Variants in UBA6 observed in about 807,000 individuals in gnomAD.
UBA6 encodes the protein ubiquitin like modifier activating enzyme 6, also known as ubiquitin-like modifier-activating enzyme 6.
Under a neutral mutation model 148.3 loss-of-function variants are expected in UBA6, and 87 were observed. The ratio of observed to expected loss-of-function variants is 0.59; its 90% confidence interval spans 0.49 to 0.70. The LOEUF (loss-of-function observed/expected upper bound fraction) is 0.70, where lower values mean the gene tolerates loss of function less well. UBA6 is among the 30% of genes least tolerant of loss of function. The probability of loss-of-function intolerance (pLI) is 0.00; values close to 1 mark genes in which losing one functional copy is unlikely to be tolerated. For synonymous variants in UBA6, 376 were observed against 401.0 expected (o/e 0.94, Z 0.75); for missense variants, 1,186 against 1,241.2 (o/e 0.96, Z 0.67).
intron 2 of UBA6, among the ~76,000 whole-genome samples, 181 bp downstream of exon 2, chr4:67,696,464 T>C (rs1300943579): frequency 2.2e-5 from 3 of 139,390 alleles, no homozygotes; most frequent in South Asian, 2.2e-4. Flanking sequence ...TATATACATA[T>C]ACATATATAC....
chr4:67,687,302 G>A (rs1458439224), intron 2 of UBA6, among the ~76,000 whole-genome samples: 1 of 151,736 alleles, frequency 6.6e-6, no homozygotes, highest in Admixed American at 6.6e-5. Flanking sequence ...CCAAAGTGCT[G>A]GGATTACAGG....
At chr4:67,662,315 C>A in intron 12 of UBA6, 60 bp from the exon 13 acceptor site, 1 of 1,427,644 alleles carries the variant, frequency 7.0e-7, no homozygotes, top group Non-Finnish European at 9.6e-7. Flanking sequence ...AACAGTAGGA[C>A]ATACTCAAAA....
chr4:67,669,626 T>A (rs891944032), intron 8 of UBA6, among the ~76,000 whole-genome samples: 2 of 152,044 alleles, frequency 1.3e-5, no homozygotes, highest in Non-Finnish European at 2.9e-5. Context: ...CAAAAAAAAA[T>A]TGAGCTTATG....
At chr4:67,644,148 A>T (rs1204405307) in intron 17 of UBA6, among the ~76,000 whole-genome samples, 2 of 152,092 alleles carry the variant, frequency 1.3e-5, no homozygotes, top group African/African-American at 4.8e-5. Flanking sequence ...TTTATCTTAA[A>T]AGGCAAACAG....
At chr4:67,684,689 C>A (rs1730516832) in intron 2 of UBA6, among the ~76,000 whole-genome samples, 1 of 152,124 alleles carries the variant, frequency 6.6e-6, no homozygotes, top group Non-Finnish European at 1.5e-5. Context: ...GAAATCTATA[C>A]CTGTTTGGGT....
In UBA6 at chr4:67,629,098, C is replaced by G. The variant is rs777032347; in HGVS notation, c.2373G>C (p.Lys791Asn). ...TATTGGAAGGCTTGAATTCCTGAAT[C>G]TTTACTTCTGAAAGAATATTCAAGA... ...DALLNILSEV[K>N]IQEFKPSNKV... Residue 791 changes from lysine to asparagine, a missense_variant, in exon 27 of 33, where the codon AAG becomes AAC. Physicochemically the swap from Lys to Asn is moderately conservative, Grantham distance 94. Coordinates refer to ENST00000322244, the MANE Select transcript of UBA6 (RefSeq NM_018227.6). 4.3e-6 allele frequency: 7 copies of G among 1,609,982 alleles called. No homozygotes were observed. The highest frequency in any genetic ancestry group is 4.0e-5 in the African/African-American group (3 of 74,792).
chr4:67,673,603 G>A, intron 7 of UBA6, 94 bp downstream of exon 7: 2 of 670,498 alleles, frequency 3.0e-6, no homozygotes, highest in Admixed American at 2.5e-5. Flanking sequence ...TATGTAAAAA[G>A]TTTCTTATAT....
chr4:67,646,099 G>T, intron 15 of UBA6, 83 bp from the exon 16 acceptor site: 1 of 706,280 alleles, frequency 1.4e-6, no homozygotes, highest in Non-Finnish European at 2.2e-6. Context: ...ATTTAATGTT[G>T]TACTTTAAAA....
At chr4:67,642,501 A>T (rs1729330287) in intron 17 of UBA6, among the ~76,000 whole-genome samples, 1 of 152,090 alleles carries the variant, frequency 6.6e-6, no homozygotes, top group South Asian at 2.1e-4. Flanking sequence ...ATGCCTCTAT[A>T]TACCCTTTAC....
At chr4:67,683,325 G>C (rs1730484760) in intron 2 of UBA6, among the ~76,000 whole-genome samples, 1 of 152,038 alleles carries the variant, frequency 6.6e-6, no homozygotes, top group Non-Finnish European at 1.5e-5. Flanking sequence ...CTTTTATCTT[G>C]TTTCTTTTGA....
chr4:67,626,408 C>T lies in UBA6; in HGVS notation c.2470G>A (p.Ala824Thr). Reference sequence around the variant, plus strand: ...ATAGCCTTTTCTAGTTGGAAAATTGCATTCCTCTCATCTTCACTGCTAATA... The same window carrying T: ...ATAGCCTTTTCTAGTTGGAAAATTGTATTCCTCTCATCTTCACTGCTAATA... Reference protein sequence around the residue: ...VPISSEDERNAIFQLEKAILS... With the variant: ...VPISSEDERNTIFQLEKAILS... Residue 824 changes from alanine to threonine, a missense_variant, in exon 28 of 33, where the codon GCA becomes ACA. Ala to Thr is a moderately conservative substitution (Grantham distance 58, BLOSUM62 0). Transcript: ENST00000322244. 3 of 1,611,442 alleles carry T rather than the reference C, an allele frequency of 1.9e-6. No homozygotes were observed. Among genetic ancestry groups the T allele is most frequent in the Non-Finnish European group, 1.7e-6 (2 of 1,178,330 alleles).
In UBA6 at chr4:67,639,016, C is replaced by T; in HGVS notation, c.1663G>A (p.Asp555Asn). 1 of 1,612,902 alleles carries T rather than the reference C, an allele frequency of 6.2e-7. No individual in the cohort carries two copies. The highest frequency in any genetic ancestry group is 1.7e-5 in the Admixed American group (1 of 60,020). Residue 555 changes from aspartate (D) to asparagine (N), a missense_variant, in exon 19 of 33, where the codon GAT becomes AAT. Coordinates refer to ENST00000322244, the MANE Select transcript of UBA6 (RefSeq NM_018227.6). ...ACATCTTGTTTAGTATAGAACTCAT[C>T]ATTGTAAATGGTCTCAGTGGTTGGA... ...VCPTTETIYNDEFYTKQDVII... is the reference protein window; with the variant it reads ...VCPTTETIYNNEFYTKQDVII...
rs539361349 is a variant in UBA6, at chr4:67,666,299, A to G, written c.794-1007T>C. 2.9e-4 allele frequency among the ~76,000 whole-genome samples: 44 copies of G among 151,926 alleles called. No individual in the cohort carries two copies. The South Asian group carries it at 8.9e-3, about 31-fold the overall frequency. ...TTTCTAAACCATTTGCTTATTCAAA[A>G]AATTAAGTTAAAAAACCAAGTAAGC... On this transcript the variant is annotated intron_variant, in intron 9 of 32. Transcript: ENST00000322244.
At chr4:67,665,608 T>C (rs1477479972) in intron 9 of UBA6, among the ~76,000 whole-genome samples, 2 of 151,604 alleles carry the variant, frequency 1.3e-5, no homozygotes, top group Non-Finnish European at 2.9e-5. Context: ...AATATAATAA[T>C]AACTACCTAT....
At chr4:67,636,549 G>A (rs746273868) in intron 19 of UBA6, among the ~76,000 whole-genome samples, 3 of 152,166 alleles carry the variant, frequency 2.0e-5, no homozygotes, top group East Asian at 1.9e-4. Context: ...GCACCGCCAC[G>A]CCTGACTGGT....
At chr4:67,653,983 G>A (rs1483363394) in intron 13 of UBA6, among the ~76,000 whole-genome samples, 1 of 152,082 alleles carries the variant, frequency 6.6e-6, no homozygotes, top group Non-Finnish European at 1.5e-5. Flanking sequence ...GACAAGATTA[G>A]AGAAAAAAGA....
At chr4:67,623,579 A>T (rs1560476416) in intron 30 of UBA6, among the ~76,000 whole-genome samples, 1 of 152,182 alleles carries the variant, frequency 6.6e-6, no homozygotes, top group Non-Finnish European at 1.5e-5. Context: ...GCCACGATAA[A>T]TAATGCCAGA....
At chr4:67,683,937 G>A (rs1730500330) in intron 2 of UBA6, among the ~76,000 whole-genome samples, 1 of 152,202 alleles carries the variant, frequency 6.6e-6, no homozygotes, top group South Asian at 2.1e-4. Context: ...GCAGGATGAG[G>A]TGGTGGGTGC....
In UBA6 at chr4:67,673,713, T is replaced by A. The variant is rs759031658; in HGVS notation, c.530A>T (p.Gln177Leu). ...TACAATTACCTTAATTGGAGGGCAC[T>A]GAGAACGGCAAAAGTCATTGATCTT... is the stretch of plus-strand genomic sequence containing the variant. Reference protein sequence around the residue: ...QKKINDFCRSQCPPIKFISAD... With the variant: ...QKKINDFCRSLCPPIKFISAD... Residue 177 changes from glutamine (Q) to leucine (L), a missense_variant, in exon 7 of 33, where the codon CAG becomes CTG. Gln to Leu is a moderately radical substitution (Grantham distance 113). Transcript: ENST00000322244. The A allele has an allele frequency of 1.9e-6, 3 of 1,610,948 alleles. No individual in the cohort carries two copies. The highest frequency in any genetic ancestry group is 2.5e-6 in the Non-Finnish European group (3 of 1,177,734).
Sources: gnomAD v4.1 joint callset for allele counts (sites outside exome capture counted in the v4.1 genomes callset) on GRCh38, gnomAD v4.1.1 for gene constraint, MANE v1.5 for transcripts, NCBI Gene and HGNC (gene_info 2026-07-23, HGNC 2026-07-21) for gene names.